Variants in LDHD observed in about 807,000 individuals in gnomAD.
The protein encoded by LDHD is lactate dehydrogenase D.
Under a neutral mutation model 52.9 loss-of-function variants are expected in LDHD, and 58 were observed. That is an observed-to-expected ratio of 1.10 (90% confidence interval 0.89 to 1.36). LDHD has a LOEUF of 1.36. LDHD is among the 40% of genes most tolerant of loss of function. The probability of loss-of-function intolerance (pLI) is 0.00; values close to 1 mark genes in which losing one functional copy is unlikely to be tolerated. For missense variants in LDHD, 747 were observed against 668.0 expected (o/e 1.12, Z -1.30); for synonymous variants, 350 against 288.6 (o/e 1.21, Z -2.16).
At position 75,112,447 on chromosome 16, in the gene LDHD, T is replaced by G; in HGVS notation, c.1364A>C (p.Glu455Ala). The G allele has an allele frequency of 4.3e-6, 7 of 1,613,408 alleles. No homozygotes were observed. The highest frequency in any genetic ancestry group is 5.9e-6 in the Non-Finnish European group (7 of 1,180,010). The change falls in exon 11 of 11, where the codon GAG (glutamate) becomes GCG (alanine). Residue 455 changes from glutamate (E) to alanine (A), a missense_variant. Coordinates refer to ENST00000450168, the MANE Select transcript of LDHD (RefSeq NM_194436.3). ...CTCCACGCCCACGGCGCCCACCTCC[T>G]CCTGCAGCAGCTGCCGCTTGCCCAT... ...IGMGKRQLLQ[E>A]EVGAVGVETM...
intron 8 of LDHD, 104 bp from the exon 9 acceptor site, chr16:75,113,028 G>C: frequency 1.3e-6 from 1 of 779,166 alleles, no homozygotes; most frequent in Non-Finnish European, 2.2e-6. Context: ...TTCAGCTCTT[G>C]GCCTCACACA....
At position 75,114,692 on chromosome 16, in the gene LDHD, G is replaced by A. The variant is rs899908212; in HGVS notation, c.470-7C>T. 2 of 1,533,462 alleles carry A rather than the reference G, an allele frequency of 1.3e-6. No homozygotes were observed. Among genetic ancestry groups the A allele is most frequent in the South Asian group, 1.2e-5 (1 of 83,830 alleles). The allele number at this position is 1,533,462 out of a possible 1,614,324, so 95.0% of individuals were successfully genotyped here. A position where few individuals can be genotyped will look rare whatever the true frequency, so the allele number is the denominator to read the frequency against. On this transcript the variant is annotated splice_polypyrimidine_tract_variant and splice_region_variant and intron_variant, in intron 4 of 10. Transcript: ENST00000450168. The stretch of plus-strand genomic sequence containing the variant: ...GAGGCGTCCGCGCCTGGGTCTGGAG[G>A]GCGGCGTACAGAAGGCAGCCTCAGG...
rs776820443 is a variant in LDHD, at chr16:75,113,872, T to C, written c.830-2A>G. ...CCATCATGACTTCATCCAGGAACTCTGGATCCAGGGAGATGGCAGGCCAGG... is the reference window on the plus strand; with the variant it reads ...CCATCATGACTTCATCCAGGAACTCCGGATCCAGGGAGATGGCAGGCCAGG... On this transcript the variant is annotated splice_acceptor_variant, in intron 6 of 10. Coordinates refer to ENST00000450168, the MANE Select transcript of LDHD (RefSeq NM_194436.3). LOFTEE classifies it high-confidence loss of function. The C allele has an allele frequency of 6.2e-7, 1 of 1,613,904 alleles. No individual in the cohort carries two copies. The highest frequency in any genetic ancestry group is 1.1e-5 in the South Asian group (1 of 91,080).
rs966683759 is a variant in LDHD at position 75,112,240 on chromosome 16, C to T, written c.*116G>A. ...GCCTTGGGCCCAGATACAGTGGGCT[C>T]GCTGGCAGGAAGACTGCCTCAGCAT... On this transcript the variant is annotated 3_prime_UTR_variant, in exon 11 of 11. Transcript: ENST00000450168. 7.0e-6 allele frequency: 9 copies of T among 1,278,744 alleles called. No homozygotes were observed. Among genetic ancestry groups the T allele is most frequent in the South Asian group, 5.8e-5 (4 of 68,526 alleles). The allele number at this position is 1,278,744 out of a possible 1,614,324, so 79.2% of individuals were successfully genotyped here. A position where few individuals can be genotyped will look rare whatever the true frequency, so the allele number is the denominator to read the frequency against.
chr16:75,116,131 G>T (rs916428802), intron 1 of LDHD, among the ~76,000 whole-genome samples: 1 of 152,130 alleles, frequency 6.6e-6, no homozygotes, highest in African/African-American at 2.4e-5. Context: ...CAACCGAAAA[G>T]ATCCCTCACT....
intron 1 of LDHD, 26 bp downstream of exon 1, chr16:75,116,623 A>G: frequency 6.3e-7 from 1 of 1,592,968 alleles, no homozygotes; most frequent in Non-Finnish European, 8.6e-7. Flanking sequence ...TCATCCCTCC[A>G]GAGGACTTCT....
chr16:75,113,462 G>A (rs2036454824), intron 8 of LDHD, 73 bp downstream of exon 8: 5 of 1,512,484 alleles, frequency 3.3e-6, no homozygotes, highest in Non-Finnish European at 4.4e-6. Context: ...GCTCTGTGCA[G>A]TAGAGTGGTG....
intron 1 of LDHD, among the ~76,000 whole-genome samples, chr16:75,116,311 T>C (rs2036555712): frequency 6.6e-6 from 1 of 152,140 alleles, no homozygotes; most frequent in South Asian, 2.1e-4. Context: ...GGGGATGTGT[T>C]TCTTCCCATT....
chr16:75,115,074 C>T, intron 3 of LDHD, 106 bp from the exon 4 acceptor site: 1 of 1,538,980 alleles, frequency 6.5e-7, no homozygotes, highest in Non-Finnish European at 8.8e-7. Flanking sequence ...ACCAGACCCC[C>T]AGAGGCAGGC....
Position 75,111,900 on chromosome 16 carries a change from G to C in LDHD, c.*456C>G, listed in dbSNP as rs549931822. ...TTCAGGTTTATTACAGATTTATTGGGGGAGGCCCCAAGGAGAAGACCTATC... is the reference window on the plus strand; with the variant it reads ...TTCAGGTTTATTACAGATTTATTGGCGGAGGCCCCAAGGAGAAGACCTATC... On this transcript the variant is annotated 3_prime_UTR_variant, in exon 11 of 11. Coordinates refer to ENST00000450168, the MANE Select transcript of LDHD (RefSeq NM_194436.3). 1 of 147,484 alleles carries C rather than the reference G, an allele frequency of 6.8e-6. No homozygotes were observed. Among genetic ancestry groups the C allele is most frequent in the African/African-American group, 2.4e-5 (1 of 41,360 alleles). The allele number at this position is 147,484 out of a possible 1,614,324, so 9.1% of individuals were successfully genotyped here.
rs1357093117 is a variant in LDHD at position 75,116,645 on chromosome 16, G to A, written c.72+4C>T. 4.4e-6 allele frequency: 7 copies of A among 1,605,194 alleles called. No individual in the cohort carries two copies. Among genetic ancestry groups the A allele is most frequent in the Middle Eastern group, 1.7e-4 (1 of 6,058 alleles). ...TCCAGAGGACTTCTCTTCTCTCCCG[G>A]TACCTTTGCCTTCTGGGAGCAGTAG... is the stretch of plus-strand genomic sequence containing the variant. On this transcript the variant is annotated splice_donor_region_variant and intron_variant, in intron 1 of 10. Transcript: ENST00000450168.
chr16:75,114,287 G>C (rs771938175), intron 5 of LDHD, 122 bp from the exon 6 acceptor site: 13 of 1,533,836 alleles, frequency 8.5e-6, no homozygotes, highest in Non-Finnish European at 1.1e-5. Context: ...GGCCTCCCTC[G>C]GGCCCAGTTT....
chr16:75,114,044 A>G lies in LDHD; in HGVS notation c.751T>C (p.Cys251Arg). 6.2e-7 allele frequency: 1 copy of G among 1,609,968 alleles called. No individual in the cohort carries two copies. The highest frequency in any genetic ancestry group is 8.5e-7 in the Non-Finnish European group (1 of 1,179,616). ...GCAGCCTGGACACTGGGGAACGCACACGTGGCGGCCACTGTGGCCTCAGGG... is the reference window on the plus strand; with the variant it reads ...GCAGCCTGGACACTGGGGAACGCACGCGTGGCGGCCACTGTGGCCTCAGGG... ...PAPEATVAATCAFPSVQAAVD... is the reference protein window; with the variant it reads ...PAPEATVAATRAFPSVQAAVD... Residue 251 changes from cysteine (C) to arginine (R), a missense_variant, in exon 6 of 11, where the codon TGT (cysteine) becomes CGT (arginine). By Grantham distance (180) the Cys-to-Arg change is radical. Coordinates refer to ENST00000450168, the MANE Select transcript of LDHD (RefSeq NM_194436.3).
At position 75,112,313 on chromosome 16, in the gene LDHD, C is replaced by G. The variant is rs533286100; in HGVS notation, c.*43G>C. On this transcript the variant is annotated 3_prime_UTR_variant, in exon 11 of 11. Coordinates refer to ENST00000450168, the MANE Select transcript of LDHD (RefSeq NM_194436.3). ...GCATGAAGAAAAGTTCCAGAACCGG[C>G]TCCGTAGTCAGGGAACTTGTGGGCT... The G allele has an allele frequency of 5.7e-6, 9 of 1,566,270 alleles. No individual in the cohort carries two copies. In the East Asian group the frequency reaches 1.6e-4, roughly 28 times the overall value.
Position 75,114,023 on chromosome 16 carries a change from C to T in LDHD, c.772G>A (p.Ala258Thr). 1.9e-6 allele frequency: 3 copies of T among 1,608,560 alleles called. No homozygotes were observed. Among genetic ancestry groups the T allele is most frequent in the Non-Finnish European group, 2.5e-6 (3 of 1,178,826 alleles). ...AATCAFPSVQ[A>T]AVDSTVHILQ... Reference sequence around the variant, plus strand: ...ATGTGTACAGTGCTGTCCACAGCAGCCTGGACACTGGGGAACGCACACGTG... The same window carrying T: ...ATGTGTACAGTGCTGTCCACAGCAGTCTGGACACTGGGGAACGCACACGTG... Residue 258 changes from alanine (A) to threonine (T), a missense_variant, in exon 6 of 11, where the codon GCT becomes ACT. Ala to Thr is a moderately conservative substitution (Grantham distance 58, BLOSUM62 0). Transcript: ENST00000450168.
chr16:75,113,582 G>A lies in LDHD; in HGVS notation c.1039C>T (p.Arg347Trp), dbSNP rs2036459233. 8.7e-6 allele frequency: 14 copies of A among 1,613,130 alleles called. No individual in the cohort carries two copies. Among genetic ancestry groups the A allele is most frequent in the South Asian group, 3.3e-5 (3 of 91,072 alleles). Residue 347 changes from arginine to tryptophan, a missense_variant, in exon 8 of 11, where the codon CGG (arginine) becomes TGG (tryptophan). Transcript: ENST00000450168. ...AGGGCTGCGTACCAGGCATTGTGCC[G>A]TGCTGTCCAAAGCCGGCTGCGCTCC... ...AEERSRLWTA[R>W]HNAWYAALAT...
intron 1 of LDHD, 98 bp from the exon 2 acceptor site, chr16:75,115,758 A>G (rs1597925437): frequency 2.7e-6 from 2 of 742,074 alleles, no homozygotes; most frequent in Non-Finnish European, 4.4e-6. Context: ...TGGAGGCTGG[A>G]GTGAGCCTCC....
At position 75,114,815 on chromosome 16, in the gene LDHD, C is replaced by T. The variant is rs371336231; in HGVS notation, c.469+12G>A. The T allele has an allele frequency of 5.0e-6, 8 of 1,609,052 alleles. No individual in the cohort carries two copies. The highest frequency in any genetic ancestry group is 6.8e-6 in the Non-Finnish European group (8 of 1,177,596). On this transcript the variant is annotated intron_variant, in intron 4 of 10. Transcript: ENST00000450168. ...TGCCCTCAGGGTCCCAGGAAAGGTTCGCGAGTCCTACCCACGGGAAACCAG... is the reference window on the plus strand; with the variant it reads ...TGCCCTCAGGGTCCCAGGAAAGGTTTGCGAGTCCTACCCACGGGAAACCAG...
rs371125835 is a variant in LDHD at position 75,115,664 on chromosome 16, C to T, written c.73-4G>A. The T allele has an allele frequency of 3.8e-6, 6 of 1,582,336 alleles. No homozygotes were observed. In the African/African-American group the frequency reaches 6.7e-5, roughly 18 times the overall value. On this transcript the variant is annotated splice_polypyrimidine_tract_variant and splice_region_variant and intron_variant, in intron 1 of 10. Transcript: ENST00000450168. ...CGAAGTCCCTGCAGAGCTCTCCCTG[C>T]AGGGAAGAAACACACTGCCAGGGTC...
Sources: allele counts gnomAD v4.1 joint callset (sites outside exome capture counted in the v4.1 genomes callset), GRCh38; gene constraint gnomAD v4.1.1; transcripts MANE v1.5; gene names NCBI Gene and HGNC (gene_info 2026-07-23, HGNC 2026-07-21).